Variants in TSPAN17 observed in about 807,000 individuals in gnomAD.
TSPAN17 encodes tetraspanin 17, also known as tetraspanin-17.
TSPAN17 carries 33 observed loss-of-function variants against 40.5 expected under a neutral mutation model. That is an observed-to-expected ratio of 0.81 (90% CI 0.62 to 1.09). The LOEUF (loss-of-function observed/expected upper bound fraction) is 1.09, where lower values mean the gene tolerates loss of function less well. Ranked by LOEUF, TSPAN17 falls within the 50% of genes least tolerant of loss-of-function variation. The pLI is 0.00. For synonymous variants in TSPAN17, 166 were observed against 169.4 expected, an observed-to-expected ratio of 0.98 and a Z score of 0.15; for missense variants, 365 against 416.8, an observed-to-expected ratio of 0.88 and a Z score of 1.08.
rs111481522 is a variant in TSPAN17 at position 176,647,645 on chromosome 5, A to G, written c.30A>G (p.Glu10=). 10 of 1,598,810 alleles carry G rather than the reference A, an allele frequency of 6.3e-6. No individual in the cohort carries two copies. The African/African-American group carries it at 9.4e-5, about 15-fold the overall frequency. The stretch of plus-strand genomic sequence containing the variant: ...CCGGCAAGCACCAGCATTTCCAGGA[A>G]CCTGAGGTCGGCTGCTGCGGGAAAT... MPGKHQHFQ[E]PEVGCCGKYF... Residue 10 remains glutamate (E), a synonymous_variant, in exon 1 of 9, where the codon GAA becomes GAG. Coordinates refer to ENST00000508164, the MANE Select transcript of TSPAN17 (RefSeq NM_130465.5).
In TSPAN17 at chr5:176,657,502, C is replaced by A; in HGVS notation, c.810-16C>A. 6.4e-7 allele frequency: 1 copy of A among 1,560,938 alleles called. No individual in the cohort carries two copies. The highest frequency in any genetic ancestry group is 1.2e-5 in the South Asian group (1 of 85,558). On this transcript the variant is annotated splice_polypyrimidine_tract_variant and intron_variant, in intron 8 of 8. Transcript: ENST00000508164. ...AAATGGGTCCAAGAATTTTCTTTCT[C>A]TTGCTTGCCTCTCAGGAGCAAATGG...
Position 176,658,015 on chromosome 5 carries a change from C to T in TSPAN17, c.*317C>T, listed in dbSNP as rs575234064. 7 of 226,716 alleles carry T rather than the reference C, an allele frequency of 3.1e-5. No homozygotes were observed. The highest frequency in any genetic ancestry group is 1.3e-4 in the East Asian group (1 of 7,656). 14.0% of individuals were successfully genotyped at this position (226,716 alleles called of 1,614,324 possible). On this transcript the variant is annotated 3_prime_UTR_variant, in exon 9 of 9. Transcript: ENST00000508164. ...GGAAGGGCGGCCTTGCTGGGGACTG[C>T]GGTGGGAGTAGAGTGCCCAGGAGAG...
chr5:176,650,417 C>T lies in TSPAN17; in HGVS notation c.88-1199C>T, dbSNP rs1760924977. Among the ~76,000 whole-genome samples, 1 of 152,176 alleles carries T rather than the reference C, an allele frequency of 6.6e-6. No individual in the cohort carries two copies. On this transcript the variant is annotated intron_variant, in intron 1 of 8. Transcript: ENST00000508164. This position sits in a 1 kb window ranked among gnomAD's most constrained non-coding sequence, Gnocchi z 4.0. ...ATTGTATTTCCTTGGCTCTGATTGG[C>T]TGCCTCTGGACCAATCCCCGGGGCA... is the stretch of plus-strand genomic sequence containing the variant.
At position 176,654,769 on chromosome 5, in the gene TSPAN17, A is replaced by C. The variant is rs942870364; in HGVS notation, c.457-126A>C. The C allele has an allele frequency of 2.0e-5, 25 of 1,270,986 alleles. No homozygotes were observed. The highest frequency in any genetic ancestry group is 2.7e-5 in the Non-Finnish European group (25 of 931,108). The allele number at this position is 1,270,986 out of a possible 1,614,324, so 78.7% of individuals were successfully genotyped here. A position where few individuals can be genotyped will look rare whatever the true frequency, so the allele number is the denominator to read the frequency against. ...GGCCTGTGGGGGTGGGGAGGTGGCC[A>C]CCCACTTGGCTGTCCCAGCCCTGTC... On this transcript the variant is annotated intron_variant, in intron 4 of 8. Coordinates refer to ENST00000508164, the MANE Select transcript of TSPAN17 (RefSeq NM_130465.5). The surrounding 1 kb of genome is among the most constrained non-coding windows in gnomAD (Gnocchi z 4.3).
At chr5:176,656,569 T>G in intron 6 of TSPAN17, 131 bp from the exon 7 acceptor site, 1 of 840,144 alleles carries the variant, frequency 1.2e-6, no homozygotes, top group Non-Finnish European at 2.0e-6. Flanking sequence ...AGGAGCCGGC[T>G]TTGTGGAGGG....
At chr5:176,649,423 T>C (rs1158246452) in intron 1 of TSPAN17, among the ~76,000 whole-genome samples, 1 of 149,576 alleles carries the variant, frequency 6.7e-6, no homozygotes, top group African/African-American at 2.6e-5. Flanking sequence ...GTTTCCTTTT[T>C]TCTTTTTTCT....
chr5:176,649,871 G>T (rs1009498091), intron 1 of TSPAN17, among the ~76,000 whole-genome samples: 2 of 152,312 alleles, frequency 1.3e-5, no homozygotes, highest in South Asian at 2.1e-4. Context: ...CCTCCTCCTG[G>T]AACAGGCTTT....
intron 1 of TSPAN17, 109 bp downstream of exon 1, chr5:176,647,811 A>G (rs1482892458): frequency 9.1e-7 from 1 of 1,093,408 alleles, no homozygotes; most frequent in Non-Finnish European, 1.3e-6. Flanking sequence ...GGAGCTCGGG[A>G]CCATCCCCCC....
Position 176,651,961 on chromosome 5 carries a change from T to C in TSPAN17, c.285+61T>C. On this transcript the variant is annotated intron_variant, in intron 3 of 8. Transcript: ENST00000508164. The surrounding 1 kb of genome is among the most constrained non-coding windows in gnomAD (Gnocchi z 4.5). ...ATCTCCTCCCATCCAGTTCTTGCAATACAGTTGGAGCTTAATGATGGGTAG... is the reference window on the plus strand; with the variant it reads ...ATCTCCTCCCATCCAGTTCTTGCAACACAGTTGGAGCTTAATGATGGGTAG... The C allele has an allele frequency of 6.3e-7, 1 of 1,599,972 alleles. No individual in the cohort carries two copies. Among genetic ancestry groups the C allele is most frequent in the Non-Finnish European group, 8.5e-7 (1 of 1,172,430 alleles).
chr5:176,654,638 G>T lies in TSPAN17; in HGVS notation c.457-257G>T. ...CCACAGTCATTGAACCAGTATCCTT[G>T]TCCCACTCCCTCCCTTTTTCTAGCC... On this transcript the variant is annotated intron_variant, in intron 4 of 8. Coordinates refer to ENST00000508164, the MANE Select transcript of TSPAN17 (RefSeq NM_130465.5). The surrounding 1 kb of genome is among the most constrained non-coding windows in gnomAD (Gnocchi z 4.3). 2.0e-6 allele frequency: 1 copy of T among 490,860 alleles called. No homozygotes were observed. The highest frequency in any genetic ancestry group is 3.7e-6 in the Non-Finnish European group (1 of 271,414). 30.4% of individuals were successfully genotyped at this position (490,860 alleles called of 1,614,324 possible). A position where few individuals can be genotyped will look rare whatever the true frequency, so the allele number is the denominator to read the frequency against.
chr5:176,649,486 G>A (rs529333498), intron 1 of TSPAN17, among the ~76,000 whole-genome samples: 5 of 151,554 alleles, frequency 3.3e-5, no homozygotes, highest in Non-Finnish European at 2.9e-5. Flanking sequence ...GGAGTGCAAT[G>A]GCACGATCTC....
chr5:176,648,856 A>T (rs2113459024), intron 1 of TSPAN17, among the ~76,000 whole-genome samples: 1 of 152,308 alleles, frequency 6.6e-6, no homozygotes, highest in South Asian at 2.1e-4. Flanking sequence ...CATTTTACAG[A>T]TGGGGAAACT....
In TSPAN17 at chr5:176,656,693, TCCCCAGGAGCTGG is replaced by T; in HGVS notation, c.631-6_637del. The T allele has an allele frequency of 9.3e-6, 15 of 1,613,580 alleles. No homozygotes were observed. The highest frequency in any genetic ancestry group is 1.3e-5 in the Non-Finnish European group (15 of 1,179,622). Reference sequence around the variant, plus strand: ...GTAGGCTGAGCCTGGTGCCTGCGTGTCCCCAGGAGCTGGAGCAGCAGGGCTTCATCCACACCAA... The same window carrying T: ...GTAGGCTGAGCCTGGTGCCTGCGTGTAGCAGCAGGGCTTCATCCACACCAA... On this transcript the variant is annotated splice_acceptor_variant and splice_polypyrimidine_tract_variant and coding_sequence_variant and intron_variant, in exon 7 of 9. Transcript: ENST00000508164. LOFTEE classifies it high-confidence loss of function.
In TSPAN17 at chr5:176,647,699, C is replaced by A; in HGVS notation, c.84C>A (p.Phe28Leu). The A allele has an allele frequency of 1.9e-6, 3 of 1,591,086 alleles. No individual in the cohort carries two copies. Among genetic ancestry groups the A allele is most frequent in the Non-Finnish European group, 2.6e-6 (3 of 1,169,836 alleles). Residue 28 changes from phenylalanine (F) to leucine (L), a missense_variant, in exon 1 of 9, where the codon TTC becomes TTA. Phe to Leu is a conservative substitution (Grantham distance 22). Coordinates refer to ENST00000508164, the MANE Select transcript of TSPAN17 (RefSeq NM_130465.5). ...TCCTGTTTGGCTTCAACATTGTCTT[C>A]TGGGTGAGCGCGGGGTCTGCGCCTT... ...KYFLFGFNIV[F>L]WVLGALFLAI...
rs117462723 is a variant in TSPAN17 at position 176,657,356 on chromosome 5, G to A, written c.810-162G>A. On this transcript the variant is annotated intron_variant, in intron 8 of 8. Transcript: ENST00000508164. ...AGTGCTGGGACGCACCTTTCTGTGCGTAGCTGTATGGGGCGCGTTGCCTGA... is the reference window on the plus strand; with the variant it reads ...AGTGCTGGGACGCACCTTTCTGTGCATAGCTGTATGGGGCGCGTTGCCTGA... 2.8e-5 allele frequency: 36 copies of A among 1,278,236 alleles called. 1 individual carries two copies. The highest frequency in any genetic ancestry group is 1.5e-4 in the African/African-American group (10 of 66,740). 79.2% of individuals were successfully genotyped at this position (1,278,236 alleles called of 1,614,324 possible).
chr5:176,655,080 C>T (rs1275763562), intron 5 of TSPAN17, 60 bp downstream of exon 5: 13 of 1,541,350 alleles, frequency 8.4e-6, no homozygotes, highest in Middle Eastern at 1.7e-4. Flanking sequence ...TCTGGAGAAA[C>T]CTCCCACAGG....
In TSPAN17 at chr5:176,654,739, G is replaced by A. The variant is rs1761085876; in HGVS notation, c.457-156G>A. The A allele has an allele frequency of 5.5e-6, 5 of 903,626 alleles. No homozygotes were observed. The highest frequency in any genetic ancestry group is 1.7e-5 in the South Asian group (1 of 57,732). The allele number at this position is 903,626 out of a possible 1,614,324, so 56.0% of individuals were successfully genotyped here. On this transcript the variant is annotated intron_variant, in intron 4 of 8. Transcript: ENST00000508164. This position sits in a 1 kb window ranked among gnomAD's most constrained non-coding sequence, Gnocchi z 4.3. ...CTGCCTCCACCAGCCTGGAGGTTGGGCCCAGGCCTGTGGGGGTGGGGAGGT... is the reference window on the plus strand; with the variant it reads ...CTGCCTCCACCAGCCTGGAGGTTGGACCCAGGCCTGTGGGGGTGGGGAGGT...
In TSPAN17 at chr5:176,649,060, G is replaced by A. The variant is rs1477032757; in HGVS notation, c.87+1358G>A. On this transcript the variant is annotated intron_variant, in intron 1 of 8. Coordinates refer to ENST00000508164, the MANE Select transcript of TSPAN17 (RefSeq NM_130465.5). ...GCTGGGGCGGAGCGTGGGGTGTTAT[G>A]TTAAGGTGGCATGGAGAAGCGAGGG... Among the ~76,000 whole-genome samples, 31 of 152,158 alleles carry A rather than the reference G, an allele frequency of 2.0e-4. 1 individual carries two copies. Among genetic ancestry groups the A allele is most frequent in the Admixed American group, 2.0e-3 (30 of 15,274 alleles).
intron 6 of TSPAN17, 96 bp from the exon 7 acceptor site, chr5:176,656,604 T>G: frequency 8.1e-7 from 1 of 1,237,386 alleles, no homozygotes; most frequent in Non-Finnish European, 1.2e-6. Context: ...GTACTGCAGG[T>G]TTAGACCCTG....
Sources: gnomAD v4.1 joint callset for allele counts (sites outside exome capture counted in the v4.1 genomes callset) on GRCh38, gnomAD v4.1.1 for gene constraint, Gnocchi (gnomAD v3.1) non-coding constraint, MANE v1.5 for transcripts, NCBI Gene and HGNC (gene_info 2026-07-23, HGNC 2026-07-21) for gene names.